Variants in DACH1 observed in about 807,000 individuals in gnomAD.
DACH1 encodes the protein dachshund family transcription factor 1.
Under a neutral mutation model 54.2 loss-of-function variants are expected in DACH1, and 12 were observed. That is an observed-to-expected ratio of 0.22 (90% confidence interval 0.14 to 0.36). The LOEUF is 0.36. DACH1 is among the 10% of genes least tolerant of loss of function. The probability of loss-of-function intolerance (pLI) is 1.00; values close to 1 mark genes in which losing one functional copy is unlikely to be tolerated. For synonymous variants in DACH1, 386 were observed against 366.2 expected, an observed-to-expected ratio of 1.05 and a Z score of -0.62; for missense variants, 805 against 929.8, an observed-to-expected ratio of 0.87 and a Z score of 1.75.
At chr13:71,467,250 T>C (rs945169906) in intron 10 of DACH1, among the ~76,000 whole-genome samples, 4 of 150,008 alleles carry the variant, frequency 2.7e-5, no homozygotes, top group Non-Finnish European at 4.4e-5. Flanking sequence ...TTAAAATATA[T>C]TTTTAAAAGA....
intron 3 of DACH1, among the ~76,000 whole-genome samples, chr13:71,581,741 A>G (rs1303997257): frequency 6.6e-6 from 1 of 152,146 alleles, no homozygotes; most frequent in Non-Finnish European, 1.5e-5. Flanking sequence ...ATTATTAAGG[A>G]GGCAATAATG....
intron 4 of DACH1, among the ~76,000 whole-genome samples, chr13:71,567,037 T>C (rs902219453): frequency 2.0e-5 from 3 of 152,230 alleles, no homozygotes; most frequent in Admixed American, 1.3e-4. Flanking sequence ...TGTTTCCTAA[T>C]ACAGTATTTT....
chr13:71,687,418 T>C (rs74713290), intron 1 of DACH1, among the ~76,000 whole-genome samples: 6,118 of 152,076 alleles, frequency 0.04, 386 homozygotes, highest in African/African-American at 0.14. Context: ...CCTGCAGATA[T>C]GGGCGTATCA....
rs181479427 is a variant in DACH1 at position 71,557,279 on chromosome 13, T to G, written c.1436-121A>C. The G allele has an allele frequency of 1.1e-3, 767 of 678,392 alleles. 2 individuals carry two copies. Among genetic ancestry groups the G allele is most frequent in the Non-Finnish European group, 1.5e-3 (710 of 470,890 alleles). 42.0% of individuals were successfully genotyped at this position (678,392 alleles called of 1,614,324 possible). A position where few individuals can be genotyped will look rare whatever the true frequency, so the allele number is the denominator to read the frequency against. On this transcript the variant is annotated intron_variant, in intron 5 of 10. Transcript: ENST00000613252. The stretch of plus-strand genomic sequence containing the variant: ...AGTAACTATAATATTAATATAATGG[T>G]CTACCTTTAAATTTATAATCTATCC...
chr13:71,770,219 G>A (rs866373761), intron 1 of DACH1, among the ~76,000 whole-genome samples: 6 of 151,584 alleles, frequency 4.0e-5, no homozygotes, highest in African/African-American at 1.2e-4. Flanking sequence ...GCCTTCGTAC[G>A]TTTTCTCTAC....
intron 1 of DACH1, among the ~76,000 whole-genome samples, chr13:71,709,530 T>C (rs1882611509): frequency 6.6e-6 from 1 of 152,092 alleles, no homozygotes; most frequent in Non-Finnish European, 1.5e-5. Flanking sequence ...ACTCTTGTGG[T>C]TACCAGATGA....
chr13:71,592,163 AC>A (rs1873755272), intron 3 of DACH1, among the ~76,000 whole-genome samples: 3 of 152,262 alleles, frequency 2.0e-5, no homozygotes, highest in South Asian at 4.1e-4. Flanking sequence ...TAAACAAAGC[AC>A]CTGCTATATA....
At chr13:71,655,478 C>A (rs1467136449) in intron 2 of DACH1, among the ~76,000 whole-genome samples, 1 of 150,838 alleles carries the variant, frequency 6.6e-6, no homozygotes, top group African/African-American at 2.4e-5. Flanking sequence ...TCAAGCGATT[C>A]TCCTGCCTCA....
At chr13:71,516,430 T>C (rs1254233970) in intron 6 of DACH1, among the ~76,000 whole-genome samples, 2 of 151,846 alleles carry the variant, frequency 1.3e-5, no homozygotes, top group Non-Finnish European at 2.9e-5. Context: ...ATAGGTCCTT[T>C]GGAAAAATCA....
rs527935230 is a variant in DACH1, at chr13:71,593,982, T to C, written c.1127-20970A>G. ...TATAGGTTAACAATATAATTTCCAATTAAAAACCTATATTGACCATTTTAA... is the reference window on the plus strand; with the variant it reads ...TATAGGTTAACAATATAATTTCCAACTAAAAACCTATATTGACCATTTTAA... On this transcript the variant is annotated intron_variant, in intron 3 of 10. Coordinates refer to ENST00000613252, the MANE Select transcript of DACH1 (RefSeq NM_080759.6). Among the ~76,000 whole-genome samples the C allele has an allele frequency of 5.9e-5, 9 of 151,500 alleles. No homozygotes were observed. The East Asian group carries it at 1.8e-3, about 30-fold the overall frequency.
At chr13:71,733,146 C>T (rs1883825685) in intron 1 of DACH1, among the ~76,000 whole-genome samples, 1 of 152,060 alleles carries the variant, frequency 6.6e-6, no homozygotes, top group South Asian at 2.1e-4. Flanking sequence ...TAAATTATTA[C>T]TACTATTTGG....
At chr13:71,842,859 T>A (rs560945846) in intron 1 of DACH1, among the ~76,000 whole-genome samples, 35 of 152,214 alleles carry the variant, frequency 2.3e-4, no homozygotes, top group Non-Finnish European at 4.9e-4. Context: ...GGATATCTAT[T>A]CTTCTGACTT....
intron 2 of DACH1, among the ~76,000 whole-genome samples, chr13:71,657,025 C>A (rs1031972328): frequency 7.3e-6 from 1 of 137,502 alleles, no homozygotes; most frequent in Non-Finnish European, 1.5e-5. Context: ...CACACACACA[C>A]ATATATATAC....
intron 1 of DACH1, among the ~76,000 whole-genome samples, chr13:71,820,635 A>AT (rs1888150129): frequency 6.6e-6 from 1 of 152,178 alleles, no homozygotes; most frequent in Non-Finnish European, 1.5e-5. Flanking sequence ...ATTAATATAT[A>AT]TTTTTGGAAA....
chr13:71,820,105 G>GA (rs59126150), intron 1 of DACH1, among the ~76,000 whole-genome samples: 622 of 54,082 alleles, frequency 0.012, 45 homozygotes, highest in East Asian at 0.028. Flanking sequence ...TGCCTCTACC[G>GA]AAAAAAAAAA....
Position 71,540,923 on chromosome 13 carries a change from C to T in DACH1, c.1570+16101G>A, listed in dbSNP as rs534592318. On this transcript the variant is annotated intron_variant, in intron 6 of 10. Coordinates refer to ENST00000613252, the MANE Select transcript of DACH1 (RefSeq NM_080759.6). Reference sequence around the variant, plus strand: ...ATTGTTTATCTATTAACCCATAAACCCTTTCCTTAACACATATACTTGTCC... The same window carrying T: ...ATTGTTTATCTATTAACCCATAAACTCTTTCCTTAACACATATACTTGTCC... 3.3e-5 allele frequency among the ~76,000 whole-genome samples: 5 copies of T among 151,808 alleles called. No homozygotes were observed. The East Asian group carries it at 5.8e-4, about 18-fold the overall frequency.
At chr13:71,450,197 G>A (rs879842107) in intron 10 of DACH1, among the ~76,000 whole-genome samples, 1 of 133,544 alleles carries the variant, frequency 7.5e-6, no homozygotes, top group Admixed American at 7.5e-5. Flanking sequence ...TTTTTTGTTT[G>A]TTTGTTTGTT....
Position 71,743,911 on chromosome 13 carries a change from G to T in DACH1, c.849-62001C>A, listed in dbSNP as rs560783439. Reference sequence around the variant, plus strand: ...TTGAAAGTCGACTGATTTATAGAAAGATTTTTTCAGGTTGATAAAAGCCCC... The same window carrying T: ...TTGAAAGTCGACTGATTTATAGAAATATTTTTTCAGGTTGATAAAAGCCCC... On this transcript the variant is annotated intron_variant, in intron 1 of 10. Transcript: ENST00000613252. 8.5e-5 allele frequency among the ~76,000 whole-genome samples: 13 copies of T among 152,150 alleles called. No homozygotes were observed. The East Asian group carries it at 1.7e-3, about 20-fold the overall frequency.
rs763039793 is a variant in DACH1 at position 71,464,549 on chromosome 13, G to A, written c.2083+10592C>T. 49 of 412,520 alleles carry A rather than the reference G, an allele frequency of 1.2e-4. No individual in the cohort carries two copies. In the Admixed American group the frequency reaches 1.4e-3, roughly 12 times the overall value. The allele number at this position is 412,520 out of a possible 1,614,324, so 25.6% of individuals were successfully genotyped here. On this transcript the variant is annotated intron_variant, in intron 10 of 10. Transcript: ENST00000613252. Reference sequence around the variant, plus strand: ...TTAAATAAAACAAAGAGATTTTTTGGCTTCTCTCAGCACAAAATTCCTTTG... The same window carrying A: ...TTAAATAAAACAAAGAGATTTTTTGACTTCTCTCAGCACAAAATTCCTTTG...
Sources: allele counts gnomAD v4.1 joint callset (sites outside exome capture counted in the v4.1 genomes callset), GRCh38; gene constraint gnomAD v4.1.1; transcripts MANE v1.5; gene names NCBI Gene and HGNC (gene_info 2026-07-23, HGNC 2026-07-21).